AGMO: variants seen among roughly 807,000 people sequenced by gnomAD.
The protein encoded by AGMO is alkylglycerol monooxygenase.
In AGMO, 75 loss-of-function variants were observed where a neutral mutation model predicts 60.2. The ratio of observed to expected loss-of-function variants is 1.25; its 90% CI spans 1.03 to 1.51. The LOEUF is 1.51. Ranked by LOEUF, AGMO falls within the 40% of genes most tolerant of loss-of-function variation. AGMO has a pLI of 0.00. For synonymous variants in AGMO, 261 were observed against 177.1 expected (o/e 1.47, Z -3.76); for missense variants, 763 against 525.5 (o/e 1.45, Z -4.42).
chr7:15,505,705 C>T (rs888365852), intron 3 of AGMO, among the ~76,000 whole-genome samples: 15 of 151,964 alleles, frequency 9.9e-5, no homozygotes, highest in Non-Finnish European at 2.2e-4. Flanking sequence ...GTTAAATTCC[C>T]ATGCAGACAT....
intron 3 of AGMO, among the ~76,000 whole-genome samples, chr7:15,431,786 ATTG>A (rs1374443135): frequency 6.6e-6 from 1 of 151,774 alleles, no homozygotes; most frequent in African/African-American, 2.4e-5. Context: ...AAGGAAAATG[ATTG>A]TTGTTTATTT....
chr7:15,519,693 T>C (rs895004760), intron 3 of AGMO, among the ~76,000 whole-genome samples: 2 of 152,136 alleles, frequency 1.3e-5, no homozygotes, highest in African/African-American at 4.8e-5. Context: ...TACCAGCCAC[T>C]GCAAAAGCAT....
chr7:15,386,920 A>T (rs1783937893), intron 9 of AGMO, among the ~76,000 whole-genome samples: 1 of 152,044 alleles, frequency 6.6e-6, no homozygotes. Context: ...TAATTGTTCT[A>T]CTCTACTATA....
intron 8 of AGMO, among the ~76,000 whole-genome samples, chr7:15,389,520 A>G (rs1784054520): frequency 6.6e-6 from 1 of 152,210 alleles, no homozygotes; most frequent in South Asian, 2.1e-4. Flanking sequence ...TTGAGAAGAA[A>G]GAAGAGAGAT....
chr7:15,301,898 C>T (rs1348604920), intron 12 of AGMO, among the ~76,000 whole-genome samples: 2 of 152,030 alleles, frequency 1.3e-5, no homozygotes, highest in Non-Finnish European at 2.9e-5. Context: ...GCCTAAGGCT[C>T]ATGAAAGTCA....
chr7:15,239,151 GTTGATGAGAAAAGGCTGAGATTGTT>G (rs1782515009), intron 12 of AGMO, among the ~76,000 whole-genome samples: 1 of 152,096 alleles, frequency 6.6e-6, no homozygotes, highest in Admixed American at 6.6e-5. Context: ...AACACAACTT[GTTGATGAGAAAAGGCTGAGATTGTT>G]GCTTACTGTT....
At chr7:15,283,119 A>C (rs375516331) in intron 12 of AGMO, among the ~76,000 whole-genome samples, 1 of 152,106 alleles carries the variant, frequency 6.6e-6, no homozygotes, top group African/African-American at 2.4e-5. Context: ...GTCCTATATG[A>C]AACATAATAG....
At chr7:15,313,815 A>C (rs1270945809) in intron 12 of AGMO, among the ~76,000 whole-genome samples, 3 of 152,068 alleles carry the variant, frequency 2.0e-5, no homozygotes, top group Admixed American at 2.0e-4. Flanking sequence ...ACAATAACTA[A>C]TAATAACATA....
chr7:15,450,216 C>T (rs1016308719), intron 3 of AGMO, among the ~76,000 whole-genome samples: 1 of 151,962 alleles, frequency 6.6e-6, no homozygotes, highest in African/African-American at 2.4e-5. Flanking sequence ...TTCAAGAGAT[C>T]GAGACCATCC....
In AGMO at chr7:15,395,827, G is replaced by A. The variant is rs531990687; in HGVS notation, c.610-1648C>T. 3.9e-5 allele frequency among the ~76,000 whole-genome samples: 6 copies of A among 152,120 alleles called. No homozygotes were observed. The East Asian group carries it at 5.8e-4, about 15-fold the overall frequency. ...TCTCTAATACAAAACTCTTTATCTA[G>A]GAGCGTTTGTTTTTTGACAACCTCT... On this transcript the variant is annotated intron_variant, in intron 5 of 12. Transcript: ENST00000342526.
At chr7:15,368,064 C>A (rs1313213492) in intron 10 of AGMO, among the ~76,000 whole-genome samples, 1 of 151,878 alleles carries the variant, frequency 6.6e-6, no homozygotes, top group Non-Finnish European at 1.5e-5. Context: ...GATTTTAAAC[C>A]CTCCAAAGCA....
intron 4 of AGMO, among the ~76,000 whole-genome samples, chr7:15,425,962 A>G (rs1781051424): frequency 6.6e-6 from 1 of 152,200 alleles, no homozygotes; most frequent in African/African-American, 2.4e-5. Context: ...CTTTTGAGAG[A>G]AATACTAAAC....
chr7:15,511,272 C>T (rs1342380556), intron 3 of AGMO, among the ~76,000 whole-genome samples: 2 of 152,100 alleles, frequency 1.3e-5, no homozygotes, highest in Admixed American at 6.6e-5. Flanking sequence ...CTAATGAGCA[C>T]ATCTTTTATA....
At chr7:15,259,831 T>C (rs528454131) in intron 12 of AGMO, among the ~76,000 whole-genome samples, 60 of 127,748 alleles carry the variant, frequency 4.7e-4, no homozygotes, top group Non-Finnish European at 7.5e-4. Context: ...GAAGCAAAGA[T>C]ACAGTCTTTT....
chr7:15,319,606 A>G (rs1563084549), intron 12 of AGMO, among the ~76,000 whole-genome samples: 1 of 152,126 alleles, frequency 6.6e-6, no homozygotes, highest in East Asian at 1.9e-4. Context: ...ACATTGGGGG[A>G]AAGTGACGTT....
At chr7:15,382,197 T>C (rs549221235) in intron 10 of AGMO, among the ~76,000 whole-genome samples, 12 of 152,270 alleles carry the variant, frequency 7.9e-5, no homozygotes, top group Non-Finnish European at 1.8e-4. Flanking sequence ...AGATGGCTTT[T>C]CTCAATACAT....
At chr7:15,558,865 CT>C (rs1367280086) in intron 2 of AGMO, among the ~76,000 whole-genome samples, 1 of 152,014 alleles carries the variant, frequency 6.6e-6, no homozygotes, top group African/African-American at 2.4e-5. Flanking sequence ...TAGCTTCCCA[CT>C]GGGCGGTTAA....
the AGMO span, among the ~76,000 whole-genome samples, chr7:15,176,601 T>C: frequency 2.0e-5 from 3 of 151,900 alleles, no homozygotes; most frequent in Non-Finnish European, 2.9e-5. Context: ...CTGGATATAC[T>C]TATGCATTGT....
intron 3 of AGMO, among the ~76,000 whole-genome samples, chr7:15,465,929 T>C (rs1037298412): frequency 2.6e-5 from 4 of 152,086 alleles, no homozygotes; most frequent in African/African-American, 9.7e-5. Context: ...ATTTCAAGAA[T>C]GCAAATGGAA....
Sources: gnomAD v4.1 joint callset for allele counts (sites outside exome capture counted in the v4.1 genomes callset) on GRCh38, gnomAD v4.1.1 for gene constraint, MANE v1.5 for transcripts, NCBI Gene and HGNC (gene_info 2026-07-23, HGNC 2026-07-21) for gene names.